Variants in QRFPR observed in about 807,000 individuals in gnomAD.
QRFPR encodes the protein pyroglutamylated RF-amide peptide receptor.
Under a neutral mutation model 31.3 loss-of-function variants are expected in QRFPR, and 37 were observed. The ratio of observed to expected loss-of-function variants is 1.18; its 90% CI spans 0.91 to 1.56. QRFPR has a LOEUF of 1.56. Ranked by LOEUF, QRFPR falls within the 40% of genes most tolerant of loss-of-function variation. QRFPR has a pLI of 0.00. For missense variants in QRFPR, 542 were observed against 532.5 expected (o/e 1.02, Z -0.18); for synonymous variants, 197 against 192.0 (o/e 1.03, Z -0.22).
chr4:121,354,489 C>T (rs71602326), intron 1 of QRFPR, among the ~76,000 whole-genome samples: 39,122 of 151,756 alleles, frequency 0.26, 5,718 homozygotes, highest in Non-Finnish European at 0.34. Flanking sequence ...CAGATCATAT[C>T]ATCTGCAAAC....
At chr4:121,340,665 C>A in intron 1 of QRFPR, 55 bp from the exon 2 acceptor site, 2 of 1,529,730 alleles carry the variant, frequency 1.3e-6, no homozygotes. Flanking sequence ...ATAAAGGTTT[C>A]ATCTGTGTCT....
chr4:121,365,535 ATATATATTATATATAATATATAAT>A (rs1726086723), intron 1 of QRFPR, among the ~76,000 whole-genome samples: 1 of 5,636 alleles, frequency 1.8e-4, no homozygotes, highest in Non-Finnish European at 2.7e-4. Context: ...ATTATATATA[ATATATATTATATATAATATATAAT>A]ATATATTATA....
Position 121,380,874 on chromosome 4 carries a change from A to G in QRFPR, c.-227T>C. 1 of 509,546 alleles carries G rather than the reference A, an allele frequency of 2.0e-6. No individual in the cohort carries two copies. Among genetic ancestry groups the G allele is most frequent in the Non-Finnish European group, 3.4e-6 (1 of 291,248 alleles). 31.6% of individuals were successfully genotyped at this position (509,546 alleles called of 1,614,324 possible). ...AGGCGGGAAGCCAAAGCACTGGGAG[A>G]CTCGATCTCAGTGACCAAAAAATGT... On this transcript the variant is annotated 5_prime_UTR_variant, in exon 1 of 6. Transcript: ENST00000394427.
At chr4:121,379,761 T>G (rs1726435244) in intron 1 of QRFPR, among the ~76,000 whole-genome samples, 1 of 152,222 alleles carries the variant, frequency 6.6e-6, no homozygotes, top group Non-Finnish European at 1.5e-5. Flanking sequence ...TTTCTGCACA[T>G]GAATTATATT....
At chr4:121,362,497 C>G (rs1726013260) in intron 1 of QRFPR, among the ~76,000 whole-genome samples, 1 of 149,348 alleles carries the variant, frequency 6.7e-6, no homozygotes, top group Admixed American at 6.7e-5. Flanking sequence ...TATGGAGAGG[C>G]AAAAGACCAG....
In QRFPR at chr4:121,366,445, T is replaced by C. The variant is rs1294689089; in HGVS notation, c.340+13863A>G. ...GTAACATTTGTGTGACATTCAATCC[T>C]AGGTCTTGAAAGATTCTGGTGCTTC... is the stretch of plus-strand genomic sequence containing the variant. On this transcript the variant is annotated intron_variant, in intron 1 of 5. Coordinates refer to ENST00000394427, the MANE Select transcript of QRFPR (RefSeq NM_198179.3). Among the ~76,000 whole-genome samples the C allele has an allele frequency of 2.0e-5, 3 of 149,920 alleles. 1 individual carries two copies. The highest frequency in any genetic ancestry group is 4.9e-5 in the African/African-American group (2 of 40,458).
Position 121,343,502 on chromosome 4 carries a change from C to A in QRFPR, c.341-2892G>T, listed in dbSNP as rs528141473. Among the ~76,000 whole-genome samples the A allele has an allele frequency of 2.0e-5, 3 of 152,232 alleles. No homozygotes were observed. In the East Asian group the frequency reaches 5.8e-4, roughly 29 times the overall value. On this transcript the variant is annotated intron_variant, in intron 1 of 5. Transcript: ENST00000394427. ...TTTAGAAAGATGGTTTAGATGCCAA[C>A]GGTGGGAATTTACTTTCAATGTTAA...
chr4:121,362,728 CT>C (rs1726016480), intron 1 of QRFPR, among the ~76,000 whole-genome samples: 1 of 149,746 alleles, frequency 6.7e-6, no homozygotes, highest in Non-Finnish European at 1.5e-5. Flanking sequence ...AAAAGATAGC[CT>C]TTTCAACAAA....
chr4:121,380,757 T>C lies in QRFPR; in HGVS notation c.-110A>G. 1 of 1,043,208 alleles carries C rather than the reference T, an allele frequency of 9.6e-7. No individual in the cohort carries two copies. The highest frequency in any genetic ancestry group is 1.6e-5 in the African/African-American group (1 of 61,926). 64.6% of individuals were successfully genotyped at this position (1,043,208 alleles called of 1,614,324 possible). A position where few individuals can be genotyped will look rare whatever the true frequency, so the allele number is the denominator to read the frequency against. Reference sequence around the variant, plus strand: ...CAGCCGGAGGCCGCCTCCCTTCCTCTACTCTGGAGTCAGCCGCGCGGGAGG... The same window carrying C: ...CAGCCGGAGGCCGCCTCCCTTCCTCCACTCTGGAGTCAGCCGCGCGGGAGG... On this transcript the variant is annotated 5_prime_UTR_variant, in exon 1 of 6. Transcript: ENST00000394427.
intron 1 of QRFPR, among the ~76,000 whole-genome samples, chr4:121,378,566 A>C (rs1726403895): frequency 6.6e-6 from 1 of 151,944 alleles, no homozygotes; most frequent in South Asian, 2.1e-4. Context: ...GGTGCGTGCC[A>C]CGATGCCCGG....
At chr4:121,343,205 G>T (rs143564050) in intron 1 of QRFPR, among the ~76,000 whole-genome samples, 292 of 152,274 alleles carry the variant, frequency 1.9e-3, no homozygotes, top group African/African-American at 6.8e-3. Context: ...AGCCTTCTGT[G>T]CTAGACTTTT....
At chr4:121,379,419 C>T (rs914622361) in intron 1 of QRFPR, among the ~76,000 whole-genome samples, 12 of 152,184 alleles carry the variant, frequency 7.9e-5, no homozygotes, top group African/African-American at 2.9e-4. Flanking sequence ...CACAAGAATA[C>T]ACCCAACCGT....
intron 1 of QRFPR, among the ~76,000 whole-genome samples, chr4:121,375,494 A>G (rs1187493325): frequency 6.6e-6 from 1 of 152,248 alleles, no homozygotes; most frequent in African/African-American, 2.4e-5. Context: ...TACAGGAATG[A>G]CTCATAGTGC....
intron 1 of QRFPR, 114 bp downstream of exon 1, chr4:121,380,189 GAGAGA>G: frequency 8.5e-6 from 1 of 117,928 alleles, no homozygotes; most frequent in Non-Finnish European, 1.4e-5. Context: ...CGAGAGAGGA[GAGAGA>G]GAGAGAGAGA....
At chr4:121,340,657 A>G (rs756259248) in intron 1 of QRFPR, 47 bp from the exon 2 acceptor site, 6 of 1,566,092 alleles carry the variant, frequency 3.8e-6, no homozygotes, top group Middle Eastern at 1.7e-4. Context: ...CAAAAAGAAT[A>G]AAGGTTTCAT....
chr4:121,355,037 C>T (rs569877833), intron 1 of QRFPR, among the ~76,000 whole-genome samples: 4 of 151,692 alleles, frequency 2.6e-5, no homozygotes, highest in South Asian at 2.1e-4. Context: ...TTTCTTTTTT[C>T]GTTGTGTCTT....
rs1286902974 is a variant in QRFPR, at chr4:121,333,090, G to A, written c.562-34C>T. On this transcript the variant is annotated intron_variant, in intron 3 of 5. Coordinates refer to ENST00000394427, the MANE Select transcript of QRFPR (RefSeq NM_198179.3). ...TAAGAATAATTCATTAAAAGAACCA[G>A]TAGTCAGCATCAAAAAACAGAAATC... 7 of 1,423,854 alleles carry A rather than the reference G, an allele frequency of 4.9e-6. No individual in the cohort carries two copies. In the East Asian group the frequency reaches 1.6e-4, roughly 33 times the overall value. 88.2% of individuals were successfully genotyped at this position (1,423,854 alleles called of 1,614,324 possible).
intron 1 of QRFPR, among the ~76,000 whole-genome samples, chr4:121,342,548 T>A (rs60938835): frequency 6.6e-6 from 1 of 151,902 alleles, no homozygotes; most frequent in African/African-American, 2.4e-5. Context: ...CATTCCTCAT[T>A]TCTTTTATTC....
intron 1 of QRFPR, chr4:121,370,128 C>T: frequency 2.6e-6 from 2 of 765,956 alleles, no homozygotes; most frequent in Non-Finnish European, 4.9e-6. Context: ...ACTGGCCTCT[C>T]CTTCCTCCAC....
Sources: gnomAD v4.1 joint callset for allele counts (sites outside exome capture counted in the v4.1 genomes callset) on GRCh38, gnomAD v4.1.1 for gene constraint, MANE v1.5 for transcripts, NCBI Gene and HGNC (gene_info 2026-07-23, HGNC 2026-07-21) for gene names.